KCNQ5: variants seen among roughly 807,000 people sequenced by gnomAD.
KCNQ5 encodes the protein potassium voltage-gated channel subfamily KQT member 5.
A neutral mutation model predicts 98.2 loss-of-function variants in KCNQ5; 30 were observed. The observed-to-expected ratio is 0.31, with a 90% CI of 0.23 to 0.41. KCNQ5 has a LOEUF of 0.41. Ranked by LOEUF, KCNQ5 falls within the 10% of genes least tolerant of loss-of-function variation. The pLI is 1.00. For synonymous variants in KCNQ5, 458 were observed against 449.4 expected (o/e 1.02, Z -0.24); for missense variants, 835 against 1,182.5 (o/e 0.71, Z 4.31).
At chr6:72,677,678 A>G (rs980934855) in intron 1 of KCNQ5, among the ~76,000 whole-genome samples, 2 of 152,212 alleles carry the variant, frequency 1.3e-5, no homozygotes, top group African/African-American at 4.8e-5. Context: ...TGTGACACCT[A>G]ACACAATACT....
At chr6:72,970,906 A>C (rs1767857726) in intron 1 of KCNQ5, among the ~76,000 whole-genome samples, 1 of 152,162 alleles carries the variant, frequency 6.6e-6, no homozygotes, top group African/African-American at 2.4e-5. Context: ...CTAGAAGAAA[A>C]CCTAGGCAAT....
intron 1 of KCNQ5, among the ~76,000 whole-genome samples, chr6:72,778,116 A>C (rs980276999): frequency 1.3e-5 from 2 of 152,208 alleles, no homozygotes; most frequent in Admixed American, 6.5e-5. Context: ...GAAGAATGTC[A>C]GGCCAAAGAT....
chr6:72,919,001 C>T (rs1016937492), intron 1 of KCNQ5, among the ~76,000 whole-genome samples: 2 of 152,200 alleles, frequency 1.3e-5, no homozygotes, highest in East Asian at 1.9e-4. Context: ...TTCTCTCCCT[C>T]CCCTTCCCTG....
intron 3 of KCNQ5, among the ~76,000 whole-genome samples, chr6:73,049,112 C>G (rs116497912): frequency 6.6e-6 from 1 of 152,100 alleles, no homozygotes; most frequent in African/African-American, 2.4e-5. Flanking sequence ...CAGTTAAACC[C>G]CTGCACATGG....
intron 1 of KCNQ5, among the ~76,000 whole-genome samples, chr6:72,807,951 G>A (rs191464636): frequency 6.6e-5 from 10 of 152,326 alleles, no homozygotes; most frequent in African/African-American, 1.2e-4. Flanking sequence ...GTATGGCTAT[G>A]TTATAGAAAG....
At chr6:72,899,652 T>G (rs1214175855) in intron 1 of KCNQ5, among the ~76,000 whole-genome samples, 1 of 152,154 alleles carries the variant, frequency 6.6e-6, no homozygotes, top group Non-Finnish European at 1.5e-5. Flanking sequence ...TCGTCTTTTC[T>G]TTTTTTATTT....
chr6:73,167,834 C>T (rs1395826796), intron 10 of KCNQ5, among the ~76,000 whole-genome samples: 1 of 152,142 alleles, frequency 6.6e-6, no homozygotes, highest in East Asian at 1.9e-4. Context: ...GGAGGGCCTA[C>T]CTAGTTCACT....
chr6:73,123,374 AC>A (rs1180467527), intron 8 of KCNQ5, among the ~76,000 whole-genome samples: 4 of 152,276 alleles, frequency 2.6e-5, no homozygotes, highest in African/African-American at 7.2e-5. Flanking sequence ...ATTAAAAAAC[AC>A]CAGCCCCATG....
At position 73,020,054 on chromosome 6, in the gene KCNQ5, G is replaced by A. The variant is rs187204745; in HGVS notation, c.489+16056G>A. Among the ~76,000 whole-genome samples the A allele has an allele frequency of 4.6e-5, 7 of 152,058 alleles. No individual in the cohort carries two copies. In the East Asian group the frequency reaches 1.4e-3, roughly 29 times the overall value. On this transcript the variant is annotated intron_variant, in intron 2 of 13. Coordinates refer to ENST00000370398, the MANE Select transcript of KCNQ5 (RefSeq NM_019842.4). The stretch of plus-strand genomic sequence containing the variant: ...ACAGAACACTTCTTACACCAGATGT[G>A]TGGGGGTTTTTCCCTACACGCAAAG...
intron 3 of KCNQ5, among the ~76,000 whole-genome samples, chr6:73,054,084 G>T (rs1772356652): frequency 6.6e-6 from 1 of 152,030 alleles, no homozygotes; most frequent in Admixed American, 6.5e-5. Context: ...ACACAAACTA[G>T]AAAACCTAGA....
intron 1 of KCNQ5, among the ~76,000 whole-genome samples, chr6:72,757,345 A>G (rs1253657297): frequency 6.6e-6 from 1 of 152,210 alleles, no homozygotes; most frequent in Non-Finnish European, 1.5e-5. Context: ...GCATCTTTAA[A>G]GGAAAATGTA....
chr6:73,154,260 C>T (rs888987750), intron 10 of KCNQ5, among the ~76,000 whole-genome samples: 1 of 152,100 alleles, frequency 6.6e-6, no homozygotes, highest in Non-Finnish European at 1.5e-5. Context: ...AAAAAACTCA[C>T]TTGTAAGCTA....
intron 1 of KCNQ5, among the ~76,000 whole-genome samples, chr6:72,831,553 G>T (rs767775581): frequency 2.0e-5 from 3 of 148,962 alleles, no homozygotes; most frequent in African/African-American, 7.4e-5. Flanking sequence ...CACAGGAAGC[G>T]GAACATCACA....
intron 1 of KCNQ5, among the ~76,000 whole-genome samples, chr6:72,820,873 A>G (rs752946593): frequency 6.6e-5 from 10 of 152,204 alleles, no homozygotes; most frequent in Admixed American, 1.3e-4. Flanking sequence ...CATTTTCCAA[A>G]TAGTGTTTTG....
intron 1 of KCNQ5, among the ~76,000 whole-genome samples, chr6:72,828,060 G>A (rs1776077804): frequency 1.3e-5 from 2 of 151,890 alleles, no homozygotes. Flanking sequence ...TTAATTGTTG[G>A]GTTCTTTATT....
chr6:73,060,220 T>C (rs1772719982), intron 3 of KCNQ5, among the ~76,000 whole-genome samples: 1 of 152,090 alleles, frequency 6.6e-6, no homozygotes, highest in Non-Finnish European at 1.5e-5. Flanking sequence ...GCCAAATGTC[T>C]CCCCTTGGAT....
At chr6:72,691,078 A>C (rs540759578) in intron 1 of KCNQ5, among the ~76,000 whole-genome samples, 26 of 152,324 alleles carry the variant, frequency 1.7e-4, no homozygotes, top group Admixed American at 4.6e-4. Flanking sequence ...GGTTTTTGGA[A>C]ACTTGAACTC....
intron 1 of KCNQ5, among the ~76,000 whole-genome samples, chr6:72,886,388 T>C (rs566613459): frequency 4.0e-5 from 6 of 151,728 alleles, no homozygotes; most frequent in African/African-American, 1.4e-4. Flanking sequence ...TAAAGTAAAA[T>C]ATAGACATGA....
intron 1 of KCNQ5, among the ~76,000 whole-genome samples, chr6:72,812,511 A>G (rs974949271): frequency 3.3e-5 from 5 of 152,174 alleles, no homozygotes; most frequent in African/African-American, 1.2e-4. Flanking sequence ...TAATGGCAAA[A>G]CCTCTGTGTA....
Sources: gnomAD v4.1 joint callset for allele counts (sites outside exome capture counted in the v4.1 genomes callset) on GRCh38, gnomAD v4.1.1 for gene constraint, MANE v1.5 for transcripts, NCBI Gene and HGNC (gene_info 2026-07-23, HGNC 2026-07-21) for gene names.